Variants in TAOK2 observed in about 807,000 individuals in gnomAD.
The protein encoded by TAOK2 is serine/threonine-protein kinase TAO2.
TAOK2 carries 42 observed loss-of-function variants against 122.5 expected under a neutral mutation model. That is an observed-to-expected ratio of 0.34 (90% CI 0.27 to 0.44). TAOK2 has a LOEUF of 0.44. Among genes scored for constraint, TAOK2 ranks in the 20% least tolerant of loss-of-function variants. TAOK2 has a pLI of 1.00. For missense variants in TAOK2, 1,264 were observed against 1,644.9 expected (o/e 0.77, Z 4.01); for synonymous variants, 704 against 677.6 (o/e 1.04, Z -0.61).
Position 29,981,641 on chromosome 16 carries a change from C to A in TAOK2, c.656-20C>A. 1 of 1,613,168 alleles carries A rather than the reference C, an allele frequency of 6.2e-7. No homozygotes were observed. The highest frequency in any genetic ancestry group is 8.5e-7 in the Non-Finnish European group (1 of 1,179,122). ...CCCCCTGCCACCTCTCACCTTCTTC[C>A]CTTTCACCTTTTTCTGTAGCTGAAC... On this transcript the variant is annotated intron_variant, in intron 8 of 15. Transcript: ENST00000308893.
At chr16:29,990,195 A>G (rs1408849642), downstream of TAOK2, 1 of 209,766 alleles carries the variant, frequency 4.8e-6, no homozygotes, top group Non-Finnish European at 9.8e-6. Context: ...AAAAATGATC[A>G]CACCTAACAC....
intron 4 of TAOK2, 33 bp downstream of exon 4, chr16:29,978,386 A>C: frequency 6.2e-7 from 1 of 1,601,438 alleles, no homozygotes; most frequent in Non-Finnish European, 8.6e-7. Context: ...CCTGATCTTT[A>C]CTCCTATTCA....
downstream of TAOK2, chr16:29,991,447 C>T: frequency 6.6e-7 from 1 of 1,508,666 alleles, no homozygotes. This position sits in a 1 kb window ranked among gnomAD's most constrained non-coding sequence, Gnocchi z 5.6. Context: ...CGGCGGGCAG[C>T]CTCGGGGGGC....
chr16:29,983,705 T>C (rs779068698), intron 13 of TAOK2, 41 bp downstream of exon 13: 5 of 1,563,842 alleles, frequency 3.2e-6, no homozygotes, highest in Non-Finnish European at 4.3e-6. Flanking sequence ...CGCTGTCTGT[T>C]TTTTAAGTCT....
In TAOK2 at chr16:29,987,408, G is replaced by A. The variant is rs1329255988; in HGVS notation, c.3136G>A (p.Gly1046Arg). 6.2e-7 allele frequency: 1 copy of A among 1,606,804 alleles called. No individual in the cohort carries two copies. Among genetic ancestry groups the A allele is most frequent in the Non-Finnish European group, 8.5e-7 (1 of 1,175,146 alleles). ...RGLMGVPLGL[G>R]AAWLLAWPGL... ...CCTCATGGGTGTTCCCCTGGGCCTT[G>A]GAGCTGCCTGGCTCTTAGCTTGGCC... is the stretch of plus-strand genomic sequence containing the variant. Residue 1046 changes from glycine (G) to arginine (R), a missense_variant, in exon 16 of 16, where the codon GGA becomes AGA. By Grantham distance (125) the Gly-to-Arg change is moderately radical. This residue lies in a region of TAOK2 where 824 missense variants were observed against 908.7 expected (regional missense o/e 0.91). Coordinates refer to ENST00000308893, the MANE Select transcript of TAOK2 (RefSeq NM_016151.4).
chr16:29,979,529 C>T lies in TAOK2; in HGVS notation c.655+21C>T, dbSNP rs139703863. On this transcript the variant is annotated intron_variant, in intron 8 of 15. Transcript: ENST00000308893. This position sits in a 1 kb window ranked among gnomAD's most constrained non-coding sequence, Gnocchi z 4.1. ...GCTGGGTAAGAACATCCTCCCTGTT[C>T]CCTCATCATCTTTTCCATTCTTTCC... 1.4e-4 allele frequency: 214 copies of T among 1,484,880 alleles called. No homozygotes were observed. The East Asian group carries it at 4.7e-3, about 33-fold the overall frequency. The allele number at this position is 1,484,880 out of a possible 1,614,324, so 92.0% of individuals were successfully genotyped here. A position where few individuals can be genotyped will look rare whatever the true frequency, so the allele number is the denominator to read the frequency against.
Position 29,986,235 on chromosome 16 carries a change from G to T in TAOK2, c.1993-30G>T. The T allele has an allele frequency of 6.6e-7, 1 of 1,508,698 alleles. No homozygotes were observed. Among genetic ancestry groups the T allele is most frequent in the Non-Finnish European group, 8.9e-7 (1 of 1,129,934 alleles). 93.5% of individuals were successfully genotyped at this position (1,508,698 alleles called of 1,614,324 possible). On this transcript the variant is annotated intron_variant, in intron 15 of 15. Transcript: ENST00000308893. This position sits in a 1 kb window ranked among gnomAD's most constrained non-coding sequence, Gnocchi z 4.2. Reference sequence around the variant, plus strand: ...CTCTCACTTCCTTGATACTGACCAGGCCCCGGGCCCTGCATTTCTTCTGCC... The same window carrying T: ...CTCTCACTTCCTTGATACTGACCAGTCCCCGGGCCCTGCATTTCTTCTGCC...
chr16:29,983,085 A>G lies in TAOK2; in HGVS notation c.1013A>G (p.Tyr338Cys), dbSNP rs1451485192. 1.2e-6 allele frequency: 2 copies of G among 1,613,996 alleles called. No individual in the cohort carries two copies. Among genetic ancestry groups the G allele is most frequent in the Non-Finnish European group, 1.7e-6 (2 of 1,180,002 alleles). Reference protein sequence around the residue: ...APEEEEEAEPYMHRAGTLTSL... With the variant: ...APEEEEEAEPCMHRAGTLTSL... ...CCCTGTTCGCAGGAGGCCGAGCCCT[A>G]CATGCACCGGGCCGGGACTCTGACC... Residue 338 changes from tyrosine to cysteine, a missense_variant, in exon 12 of 16, where the codon TAC (tyrosine) becomes TGC (cysteine). Around this residue, in one of 4 missense-constraint regions of TAOK2, gnomAD observed 254 missense variants for 503.8 expected, o/e 0.50. Transcript: ENST00000308893.
downstream of TAOK2, chr16:29,991,286 CCCT>C (rs1567255927): frequency 6.2e-7 from 1 of 1,611,762 alleles, no homozygotes; most frequent in South Asian, 1.1e-5. The surrounding 1 kb of genome is among the most constrained non-coding windows in gnomAD (Gnocchi z 5.6). Flanking sequence ...GGAGCCATGG[CCCT>C]CCTCCACCAG....
chr16:29,988,735 C>G (rs1372577217), downstream of TAOK2: 1 of 985,296 alleles, frequency 1.0e-6, no homozygotes, highest in Non-Finnish European at 1.2e-6. Context: ...GACCAAATTG[C>G]TCTCCTGCAT....
At chr16:29,990,765 G>A (rs756266740), downstream of TAOK2, 1 of 1,594,902 alleles carries the variant, frequency 6.3e-7, no homozygotes, top group South Asian at 1.1e-5. Context: ...CCCTACAACT[G>A]GTTGTTCATC....
At chr16:29,991,746 T>G, downstream of TAOK2, 1 of 785,016 alleles carries the variant, frequency 1.3e-6, no homozygotes, top group South Asian at 4.5e-5. This position sits in a 1 kb window ranked among gnomAD's most constrained non-coding sequence, Gnocchi z 5.6. Flanking sequence ...AGGGCCAGCT[T>G]GGCGATAGGT....
At chr16:29,983,715 T>C (rs2069695030) in intron 13 of TAOK2, 51 bp downstream of exon 13, 9 of 1,566,428 alleles carry the variant, frequency 5.7e-6, no homozygotes, top group Non-Finnish European at 7.8e-6. Flanking sequence ...TTTTTAAGTC[T>C]TTTTAAGTCT....
At chr16:29,983,689 C>A in intron 13 of TAOK2, 25 bp downstream of exon 13, 3 of 1,587,110 alleles carry the variant, frequency 1.9e-6, no homozygotes, top group Non-Finnish European at 2.6e-6. Flanking sequence ...CCTCACTCAG[C>A]CTGCTCGCTG....
chr16:29,988,217 T>C lies in TAOK2; in HGVS notation c.*237T>C. The C allele has an allele frequency of 1.4e-6, 2 of 1,435,224 alleles. No homozygotes were observed. Among genetic ancestry groups the C allele is most frequent in the Non-Finnish European group, 1.8e-6 (2 of 1,099,988 alleles). 88.9% of individuals were successfully genotyped at this position (1,435,224 alleles called of 1,614,324 possible). A position where few individuals can be genotyped will look rare whatever the true frequency, so the allele number is the denominator to read the frequency against. Reference sequence around the variant, plus strand: ...CTAAGTTATTGCTGTTCGCCCGCTGTGTGTGCTCATCCTCACCCTCATTGA... The same window carrying C: ...CTAAGTTATTGCTGTTCGCCCGCTGCGTGTGCTCATCCTCACCCTCATTGA... On this transcript the variant is annotated 3_prime_UTR_variant, in exon 16 of 16. Transcript: ENST00000308893.
intron 8 of TAOK2, chr16:29,981,319 T>C: frequency 1.8e-6 from 1 of 554,226 alleles, no homozygotes; most frequent in Admixed American, 3.3e-5. Context: ...ATTCTTGTTT[T>C]TATCTTCCCC....
intron 12 of TAOK2, 70 bp from the exon 13 acceptor site, chr16:29,983,433 C>T: frequency 1.3e-6 from 2 of 1,564,398 alleles, no homozygotes; most frequent in Non-Finnish European, 1.7e-6. Flanking sequence ...GTCTGATTGG[C>T]TGTCCTCAGG....
At position 29,986,230 on chromosome 16, in the gene TAOK2, A is replaced by G; in HGVS notation, c.1993-35A>G. 1 of 1,506,902 alleles carries G rather than the reference A, an allele frequency of 6.6e-7. No individual in the cohort carries two copies. The highest frequency in any genetic ancestry group is 8.9e-7 in the Non-Finnish European group (1 of 1,129,526). 93.3% of individuals were successfully genotyped at this position (1,506,902 alleles called of 1,614,324 possible). On this transcript the variant is annotated intron_variant, in intron 15 of 15. Coordinates refer to ENST00000308893, the MANE Select transcript of TAOK2 (RefSeq NM_016151.4). The surrounding 1 kb of genome is among the most constrained non-coding windows in gnomAD (Gnocchi z 4.2). Reference sequence around the variant, plus strand: ...CTGGCCTCTCACTTCCTTGATACTGACCAGGCCCCGGGCCCTGCATTTCTT... The same window carrying G: ...CTGGCCTCTCACTTCCTTGATACTGGCCAGGCCCCGGGCCCTGCATTTCTT...
At position 29,977,772 on chromosome 16, in the gene TAOK2, C is replaced by T. The variant is rs751723560; in HGVS notation, c.-1C>T. The T allele has an allele frequency of 6.2e-7, 1 of 1,614,054 alleles. No homozygotes were observed. The highest frequency in any genetic ancestry group is 8.5e-7 in the Non-Finnish European group (1 of 1,179,952). On this transcript the variant is annotated 5_prime_UTR_variant, in exon 2 of 16. Coordinates refer to ENST00000308893, the MANE Select transcript of TAOK2 (RefSeq NM_016151.4). Reference sequence around the variant, plus strand: ...CACTCTCAGGGCCCCCAGGGGCCACCATGCCAGCTGGGGGCCGGGCCGGGA... The same window carrying T: ...CACTCTCAGGGCCCCCAGGGGCCACTATGCCAGCTGGGGGCCGGGCCGGGA...
Sources: gnomAD v4.1 joint callset for allele counts on GRCh38, gnomAD v4.1.1 for gene constraint, gnomAD v4.1.1 regional missense constraint, Gnocchi (gnomAD v3.1) non-coding constraint, MANE v1.5 for transcripts, NCBI Gene and HGNC (gene_info 2026-07-23, HGNC 2026-07-21) for gene names.